Variants in SHTN1 observed in about 807,000 individuals in gnomAD.
SHTN1 encodes the protein shootin-1.
SHTN1 carries 42 observed loss-of-function variants against 83.1 expected under a neutral mutation model. The observed-to-expected ratio is 0.51, with a 90% CI of 0.39 to 0.65. SHTN1 has a LOEUF of 0.65. Among genes scored for constraint, SHTN1 ranks in the 30% least tolerant of loss-of-function variants. SHTN1 has a pLI of 0.00. For missense variants in SHTN1, 622 were observed against 737.8 expected, an observed-to-expected ratio of 0.84 and a Z score of 1.82; for synonymous variants, 224 against 247.7, an observed-to-expected ratio of 0.90 and a Z score of 0.90.
chr10:116,918,650 C>T (rs1051311265), intron 12 of SHTN1, among the ~76,000 whole-genome samples: 3 of 152,174 alleles, frequency 2.0e-5, no homozygotes, highest in African/African-American at 7.2e-5. Context: ...AGTACCTTTT[C>T]CATGTTTTTC....
intron 1 of SHTN1, among the ~76,000 whole-genome samples, chr10:117,107,037 T>C (rs1853679550): frequency 6.6e-6 from 1 of 152,144 alleles, no homozygotes. Context: ...AAGGTATCTT[T>C]AAAGAGAATA....
Position 116,948,922 on chromosome 10 carries a change from TG to T in SHTN1, c.609del (p.Cys203Ter). On this transcript the variant is annotated frameshift_variant, in exon 7 of 17. Coordinates refer to ENST00000355371, the MANE Select transcript of SHTN1 (RefSeq NM_001127211.3). LOFTEE classifies it high-confidence loss of function. ...AAAGACTGGACAGACTTACCTCTAT[TG>T]CATTTTTCTAAGACTTTTCTCTGTT... ...VLEQRKVLEK[C>X]NRVSMLAVEE... The T allele has an allele frequency of 6.4e-7, 1 of 1,571,820 alleles. No individual in the cohort carries two copies. Among genetic ancestry groups the T allele is most frequent in the Non-Finnish European group, 8.6e-7 (1 of 1,160,104 alleles).
chr10:116,990,262 T>C (rs1851372184), intron 1 of SHTN1, among the ~76,000 whole-genome samples: 2 of 149,322 alleles, frequency 1.3e-5, no homozygotes, highest in South Asian at 2.1e-4. Flanking sequence ...GTTTTTCTTG[T>C]CTTTTTTCTT....
intron 1 of SHTN1, among the ~76,000 whole-genome samples, chr10:117,102,571 C>CT (rs909306046): frequency 1.2e-4 from 18 of 152,114 alleles, no homozygotes; most frequent in African/African-American, 4.1e-4. Flanking sequence ...TGTTTTCTTG[C>CT]TTTTTTCCCC....
chr10:116,999,922 A>C (rs1412336555), intron 1 of SHTN1, among the ~76,000 whole-genome samples: 1 of 152,102 alleles, frequency 6.6e-6, no homozygotes, highest in East Asian at 1.9e-4. Context: ...CAAATAAATA[A>C]ATACATAAAT....
At chr10:117,043,189 A>G (rs1264341757) in intron 2 of SHTN1, among the ~76,000 whole-genome samples, 3 of 151,738 alleles carry the variant, frequency 2.0e-5, no homozygotes, top group Non-Finnish European at 4.4e-5. Flanking sequence ...GCTGGAGTGC[A>G]GTGGCACAAT....
chr10:116,895,062 A>C (rs1847468635), intron 16 of SHTN1, among the ~76,000 whole-genome samples: 1 of 152,222 alleles, frequency 6.6e-6, no homozygotes, highest in South Asian at 2.1e-4. Context: ...AGCTCTCTTA[A>C]AAAGGCATAG....
intron 3 of SHTN1, among the ~76,000 whole-genome samples, chr10:116,966,576 G>T (rs1369623653): frequency 6.6e-6 from 1 of 152,164 alleles, no homozygotes; most frequent in African/African-American, 2.4e-5. Context: ...TTATTCAGAG[G>T]AAGAGACAAA....
intron 16 of SHTN1, among the ~76,000 whole-genome samples, chr10:116,890,034 A>G (rs1239808791): frequency 6.6e-6 from 1 of 152,134 alleles, no homozygotes; most frequent in Non-Finnish European, 1.5e-5. Flanking sequence ...CCAAGAACCC[A>G]AGTTCTCACT....
At chr10:116,923,580 G>C (rs549361063) in intron 11 of SHTN1, among the ~76,000 whole-genome samples, 7 of 150,568 alleles carry the variant, frequency 4.6e-5, no homozygotes, top group African/African-American at 1.5e-4. Flanking sequence ...TTTTGAGACA[G>C]GGTCTCACTC....
Position 116,952,046 on chromosome 10 carries a change from T to TAAATA in SHTN1, c.437-41_437-40insTATTT, listed in dbSNP as rs1849797184. 3.8e-6 allele frequency: 4 copies of TAAATA among 1,062,448 alleles called. No homozygotes were observed. The Admixed American group carries it at 1.2e-4, about 32-fold the overall frequency. 65.8% of individuals were successfully genotyped at this position (1,062,448 alleles called of 1,614,324 possible). ...AAAAAAAATATATAAATAAACTTAT[T>TAAATA]TTTAAAATAAGAAATCAATCTGGTC... On this transcript the variant is annotated intron_variant, in intron 5 of 16. Coordinates refer to ENST00000355371, the MANE Select transcript of SHTN1 (RefSeq NM_001127211.3).
chr10:116,989,394 AAAAC>A (rs1324766810), intron 1 of SHTN1, among the ~76,000 whole-genome samples: 2 of 152,208 alleles, frequency 1.3e-5, no homozygotes, highest in African/African-American at 4.8e-5. Flanking sequence ...CAAAAACAAA[AAAAC>A]AAACAAAAAA....
intron 9 of SHTN1, among the ~76,000 whole-genome samples, chr10:116,935,173 T>C (rs189944535): frequency 5.6e-4 from 85 of 152,344 alleles, no homozygotes; most frequent in Admixed American, 2.6e-3. Flanking sequence ...CCTTGCCTGA[T>C]TGCCCTGGCA....
At chr10:117,108,691 G>T (rs1243876356) in intron 1 of SHTN1, among the ~76,000 whole-genome samples, 2 of 151,332 alleles carry the variant, frequency 1.3e-5, no homozygotes, top group Admixed American at 1.3e-4. Flanking sequence ...ATGTACCCTA[G>T]AACTTAAAGT....
intron 6 of SHTN1, among the ~76,000 whole-genome samples, chr10:116,950,104 GC>G (rs1849722964): frequency 6.6e-6 from 1 of 152,158 alleles, no homozygotes; most frequent in African/African-American, 2.4e-5. Context: ...TTACACCAGG[GC>G]TTTCATCACC....
intron 2 of SHTN1, among the ~76,000 whole-genome samples, chr10:117,020,302 C>G (rs989714398): frequency 1.6e-4 from 24 of 150,240 alleles, no homozygotes; most frequent in African/African-American, 5.6e-4. Flanking sequence ...CCAGCCTGGC[C>G]AACACGGTGA....
chr10:116,957,889 G>A (rs1020287848), intron 4 of SHTN1, among the ~76,000 whole-genome samples: 1 of 152,004 alleles, frequency 6.6e-6, no homozygotes, highest in African/African-American at 2.4e-5. Flanking sequence ...GTGAAACACT[G>A]TCTCTACTAA....
chr10:116,951,767 C>G, intron 6 of SHTN1, 142 bp downstream of exon 6: 1 of 427,214 alleles, frequency 2.3e-6, no homozygotes, highest in Admixed American at 4.2e-5. Flanking sequence ...TTTTTTATGT[C>G]TGAAATTGAG....
intron 1 of SHTN1, among the ~76,000 whole-genome samples, chr10:117,124,443 AT>A (rs1424943496): frequency 6.6e-6 from 1 of 152,192 alleles, no homozygotes; most frequent in Admixed American, 6.5e-5. Context: ...TCACTGACAC[AT>A]TGATTCTCCA....
Sources: gnomAD v4.1 joint callset for allele counts (sites outside exome capture counted in the v4.1 genomes callset) on GRCh38, gnomAD v4.1.1 for gene constraint, MANE v1.5 for transcripts, NCBI Gene and HGNC (gene_info 2026-07-23, HGNC 2026-07-21) for gene names.